MYO7A: variants seen among roughly 807,000 people sequenced by gnomAD.
The protein encoded by MYO7A is myosin VIIA, also known as unconventional myosin-VIIa.
MYO7A carries 210 observed loss-of-function variants against 263.8 expected under a neutral mutation model. The ratio of observed to expected loss-of-function variants is 0.80; its 90% confidence interval spans 0.71 to 0.89. MYO7A has a LOEUF of 0.89. Among genes scored for constraint, MYO7A ranks in the 40% least tolerant of loss-of-function variants. MYO7A has a pLI of 0.00. For missense variants in MYO7A, 2,820 were observed against 2,968.3 expected (o/e 0.95, Z 1.16); for synonymous variants, 1,239 against 1,197.3 (o/e 1.03, Z -0.72).
At chr11:77,210,533 A>G (rs1957794879) in intron 44 of MYO7A, among the ~76,000 whole-genome samples, 1 of 152,152 alleles carries the variant, frequency 6.6e-6, no homozygotes, top group African/African-American at 2.4e-5. Flanking sequence ...CTGACTGACA[A>G]TGTATCCTCA....
At chr11:77,209,577 C>A (rs1957723369) in intron 44 of MYO7A, among the ~76,000 whole-genome samples, 1 of 141,670 alleles carries the variant, frequency 7.1e-6, no homozygotes, top group Admixed American at 7.0e-5. Context: ...CCCTGGACTA[C>A]CAGTTCCCCC....
chr11:77,198,471 C>T, intron 33 of MYO7A, 24 bp from the exon 34 acceptor site: 2 of 1,610,702 alleles, frequency 1.2e-6, no homozygotes, highest in Non-Finnish European at 1.7e-6. Context: ...AGGCCTGCCT[C>T]TCAGTGCCTT....
chr11:77,160,475 C>T (rs1952891713), intron 11 of MYO7A, among the ~76,000 whole-genome samples, 193 bp downstream of exon 11: 1 of 152,198 alleles, frequency 6.6e-6, no homozygotes, highest in South Asian at 2.1e-4. Context: ...GCTCTGGCCG[C>T]CCCAGGCCCT....
intron 36 of MYO7A, among the ~76,000 whole-genome samples, chr11:77,201,849 G>A (rs1396620951): frequency 6.8e-6 from 1 of 147,628 alleles, no homozygotes; most frequent in Non-Finnish European, 1.5e-5. Context: ...GAACTGCCAA[G>A]GGGTGGGGCC....
chr11:77,164,622 G>T (rs1555071381), intron 14 of MYO7A, among the ~76,000 whole-genome samples: 1 of 152,140 alleles, frequency 6.6e-6, no homozygotes, highest in Admixed American at 6.5e-5. Flanking sequence ...TAAGTTTGAA[G>T]GACTGTCACG....
rs1189136242 is a variant in MYO7A at position 77,184,713 on chromosome 11, C to G, written c.3501C>G (p.Leu1167=). ...GCAATGGCATCCTGCGGCCAGCACT[C>G]CGGTCAGTGCCGGGAGGCGGGGACA... The part of the protein sequence containing the change: ...IIGNGILRPA[L]RDEIYCQISK... Residue 1167 remains leucine (L), a splice_region_variant and synonymous_variant, in exon 27 of 49, where the codon CTC becomes CTG. Transcript: ENST00000409709. 6.4e-7 allele frequency: 1 copy of G among 1,556,336 alleles called. No homozygotes were observed. The highest frequency in any genetic ancestry group is 8.7e-7 in the Non-Finnish European group (1 of 1,149,798).
In MYO7A at chr11:77,214,705, G is replaced by A. The variant is rs1304181992; in HGVS notation, c.*9G>A. ...CCAGGAGCGGCAAGTGAACAGTCAC[G>A]GGGAGGTGCTGGTTCCATGCCTGCT... On this transcript the variant is annotated 3_prime_UTR_variant, in exon 49 of 49. Transcript: ENST00000409709. 3.4e-5 allele frequency: 53 copies of A among 1,560,968 alleles called. No individual in the cohort carries two copies. The highest frequency in any genetic ancestry group is 1.4e-4 in the South Asian group (12 of 84,730).
intron 27 of MYO7A, among the ~76,000 whole-genome samples, chr11:77,188,903 C>T (rs150119892): frequency 1.3e-5 from 2 of 152,188 alleles, no homozygotes; most frequent in Admixed American, 1.3e-4. Flanking sequence ...CCGCTTTGTC[C>T]GTTGCCATGG....
chr11:77,152,319 T>G (rs1952042266), intron 4 of MYO7A, among the ~76,000 whole-genome samples: 1 of 152,236 alleles, frequency 6.6e-6, no homozygotes, highest in African/African-American at 2.4e-5. Flanking sequence ...TCAGCATGGC[T>G]GGGGCTGCCT....
Position 77,194,362 on chromosome 11 carries a change from C to T in MYO7A, c.4161C>T (p.Asp1387=), listed in dbSNP as rs1173941065. The T allele has an allele frequency of 6.2e-7, 1 of 1,611,954 alleles. No individual in the cohort carries two copies. ...FGEYRCEKED[D]LAELASQQYF... is the part of the protein sequence containing the mutation. Reference sequence around the variant, plus strand: ...GGCCTCCCCCCACCTAGGAGGACGACCTGGCTGAGCTGGCCTCCCAGCAGT... The same window carrying T: ...GGCCTCCCCCCACCTAGGAGGACGATCTGGCTGAGCTGGCCTCCCAGCAGT... Residue 1387 remains aspartate, a synonymous_variant, in exon 32 of 49, where the codon GAC becomes GAT. Coordinates refer to ENST00000409709, the MANE Select transcript of MYO7A (RefSeq NM_000260.4).
Position 77,177,777 on chromosome 11 carries a change from C to A in MYO7A, c.2282+134C>A, listed in dbSNP as rs1416451314. On this transcript the variant is annotated intron_variant, in intron 19 of 48. Transcript: ENST00000409709. ...CACCTATGAAACAAGTGCACACATG[C>A]ATGGCATGCACACATGATCATGTAA... 6.0e-6 allele frequency: 4 copies of A among 670,960 alleles called. No individual in the cohort carries two copies. In the East Asian group the frequency reaches 1.1e-4, roughly 19 times the overall value. 41.6% of individuals were successfully genotyped at this position (670,960 alleles called of 1,614,324 possible). A position where few individuals can be genotyped will look rare whatever the true frequency, so the allele number is the denominator to read the frequency against.
At chr11:77,213,739 T>G in intron 47 of MYO7A, 121 bp from the exon 48 acceptor site, 1 of 1,415,734 alleles carries the variant, frequency 7.1e-7, no homozygotes, top group Non-Finnish European at 9.7e-7. Flanking sequence ...ATGGCAGAGC[T>G]GGCTTTTCCC....
At chr11:77,193,244 ATGT>A (rs1956345812) in intron 31 of MYO7A, among the ~76,000 whole-genome samples, 1 of 113,596 alleles carries the variant, frequency 8.8e-6, no homozygotes, top group Admixed American at 1.0e-4. Flanking sequence ...GGTAGGGATG[ATGT>A]TAGTGATGGT....
chr11:77,197,293 G>A (rs1477123200), intron 32 of MYO7A, among the ~76,000 whole-genome samples, 188 bp from the exon 33 acceptor site: 1 of 152,222 alleles, frequency 6.6e-6, no homozygotes, highest in Non-Finnish European at 1.5e-5. Flanking sequence ...AAAAGTGCTC[G>A]CCGATGTTGA....
chr11:77,214,668 A>G lies in MYO7A; in HGVS notation c.6620A>G (p.Lys2207Arg), dbSNP rs1958047782. ...YISQMLTAMSKQRGSRSGK is the reference protein window; with the variant it reads ...YISQMLTAMSRQRGSRSGK Reference sequence around the variant, plus strand: ...AGCCAGATGCTCACAGCCATGAGCAAACAGCGGGGCTCCAGGAGCGGCAAG... The same window carrying G: ...AGCCAGATGCTCACAGCCATGAGCAGACAGCGGGGCTCCAGGAGCGGCAAG... Residue 2207 changes from lysine (K) to arginine (R), a missense_variant, in exon 49 of 49, where the codon AAA becomes AGA. Lys to Arg is a conservative substitution (Grantham distance 26). Transcript: ENST00000409709. 1 of 1,586,334 alleles carries G rather than the reference A, an allele frequency of 6.3e-7. No individual in the cohort carries two copies. Among genetic ancestry groups the G allele is most frequent in the African/African-American group, 1.3e-5 (1 of 74,390 alleles).
chr11:77,209,190 A>G (rs1454708442), intron 44 of MYO7A: 6 of 220,918 alleles, frequency 2.7e-5, no homozygotes, highest in African/African-American at 6.8e-5. Flanking sequence ...TTGAGCCTCT[A>G]TTATGTGTCT....
At chr11:77,188,091 C>T (rs141119852) in intron 27 of MYO7A, among the ~76,000 whole-genome samples, 7 of 152,188 alleles carry the variant, frequency 4.6e-5, no homozygotes, top group African/African-American at 1.7e-4. Flanking sequence ...GCCAGGAGCC[C>T]TGAACCAAGA....
chr11:77,137,212 G>T (rs1173196234), intron 2 of MYO7A, among the ~76,000 whole-genome samples: 1 of 152,158 alleles, frequency 6.6e-6, no homozygotes, highest in Non-Finnish European at 1.5e-5. Context: ...TCACTGATCA[G>T]TCAGCTTCGT....
chr11:77,145,916 A>G (rs1169429912), intron 3 of MYO7A, among the ~76,000 whole-genome samples: 1 of 152,130 alleles, frequency 6.6e-6, no homozygotes, highest in Non-Finnish European at 1.5e-5. Context: ...TCTGTCCATG[A>G]CTGACTTCTG....
Sources: gnomAD v4.1 joint callset for allele counts (sites outside exome capture counted in the v4.1 genomes callset) on GRCh38, gnomAD v4.1.1 for gene constraint, MANE v1.5 for transcripts, NCBI Gene and HGNC (gene_info 2026-07-23, HGNC 2026-07-21) for gene names.